Variants in IRAK1BP1 observed in about 807,000 individuals in gnomAD.
IRAK1BP1 encodes interleukin-1 receptor-associated kinase 1-binding protein 1.
A neutral mutation model predicts 28.0 loss-of-function variants in IRAK1BP1; 24 were observed. The ratio of observed to expected loss-of-function variants is 0.86; its 90% CI spans 0.62 to 1.20. IRAK1BP1 has a LOEUF of 1.20. IRAK1BP1 is among the 50% of genes most tolerant of loss of function. The pLI, the probability that IRAK1BP1 is intolerant of heterozygous loss-of-function variation, is 0.00. For missense variants in IRAK1BP1, 336 were observed against 316.7 expected (o/e 1.06, Z -0.46); for synonymous variants, 131 against 116.3 (o/e 1.13, Z -0.81).
the IRAK1BP1 span, among the ~76,000 whole-genome samples, chr6:78,975,679 C>G: frequency 6.6e-6 from 1 of 152,158 alleles, no homozygotes; most frequent in Non-Finnish European, 1.5e-5. Flanking sequence ...AGCAAAGTCT[C>G]AGGATACAAA....
chr6:78,966,145 C>G, the IRAK1BP1 span: 6 of 791,344 alleles, frequency 7.6e-6, no homozygotes, highest in South Asian at 8.9e-5. Flanking sequence ...AGTACCTAAA[C>G]TGCCTGTATG....
chr6:78,943,288 TA>T (rs1277683852), intron 4 of IRAK1BP1, among the ~76,000 whole-genome samples: 1 of 152,174 alleles, frequency 6.6e-6, no homozygotes, highest in African/African-American at 2.4e-5. Context: ...AACTAATAGA[TA>T]ATGATATTTC....
At chr6:78,965,589 A>G in the IRAK1BP1 span, 6 of 641,136 alleles carry the variant, frequency 9.4e-6, no homozygotes, top group Non-Finnish European at 1.7e-5. Flanking sequence ...TGCCAAATGA[A>G]TGTTTTCTAT....
intron 4 of IRAK1BP1, among the ~76,000 whole-genome samples, chr6:78,925,478 G>C (rs567032549): frequency 6.6e-6 from 1 of 151,894 alleles, no homozygotes. Flanking sequence ...AATCAAAACC[G>C]CAATGAAATA....
At chr6:78,921,668 AT>A (rs1344654813) in intron 4 of IRAK1BP1, among the ~76,000 whole-genome samples, 1 of 152,208 alleles carries the variant, frequency 6.6e-6, no homozygotes, top group Non-Finnish European at 1.5e-5. Context: ...ACTGGGAGGC[AT>A]CCCCCAGTAG....
chr6:78,932,935 T>C (rs1443439945), intron 4 of IRAK1BP1, among the ~76,000 whole-genome samples: 1 of 152,136 alleles, frequency 6.6e-6, no homozygotes, highest in Non-Finnish European at 1.5e-5. Flanking sequence ...AAGCAGGTCT[T>C]AACAATGGAC....
At chr6:78,888,089 A>G (rs1205045019) in intron 2 of IRAK1BP1, among the ~76,000 whole-genome samples, 2 of 152,230 alleles carry the variant, frequency 1.3e-5, no homozygotes, top group African/African-American at 4.8e-5. Context: ...GTTAAGAGAA[A>G]TATCAGTAAC....
the IRAK1BP1 span, among the ~76,000 whole-genome samples, chr6:78,967,916 C>T: frequency 4.6e-5 from 7 of 151,890 alleles, no homozygotes; most frequent in South Asian, 1.5e-3. Context: ...GGGCGGATCA[C>T]AAGGTCAGGA....
chr6:78,963,048 A>T, the IRAK1BP1 span: 1 of 1,504,642 alleles, frequency 6.6e-7, no homozygotes, highest in Non-Finnish European at 8.9e-7. Context: ...TTTTTCCATT[A>T]CTTTGTGTTC....
chr6:78,887,840 ATCCCAC>A (rs1225598892), intron 2 of IRAK1BP1, among the ~76,000 whole-genome samples: 1 of 152,200 alleles, frequency 6.6e-6, no homozygotes, highest in Non-Finnish European at 1.5e-5. Flanking sequence ...TGACCCAGCA[ATCCCAC>A]TCCTGGGTGT....
intron 2 of IRAK1BP1, among the ~76,000 whole-genome samples, chr6:78,886,811 T>TAG (rs1771447869): frequency 6.6e-6 from 1 of 152,216 alleles, no homozygotes; most frequent in Non-Finnish European, 1.5e-5. Flanking sequence ...TTTTAAAACA[T>TAG]GACTAAATGA....
chr6:78,945,540 C>T (rs779126858), exon 5 of IRAK1BP1: 14 of 1,218,616 alleles, frequency 1.1e-5, no homozygotes, highest in Middle Eastern at 2.0e-4. Flanking sequence ...AGTTATTGAA[C>T]CTAAAGATAA....
Position 78,946,155 on chromosome 6 carries a change from A to G in IRAK1BP1, c.*815A>G. 6.2e-7 allele frequency: 1 copy of G among 1,614,100 alleles called. No individual in the cohort carries two copies. The highest frequency in any genetic ancestry group is 8.5e-7 in the Non-Finnish European group (1 of 1,179,980). ...TAGATTCTGTTTTACCGTTTATCTGAGCAGCATTGTGTCTTGGCGGTATTG... is the reference window on the plus strand; with the variant it reads ...TAGATTCTGTTTTACCGTTTATCTGGGCAGCATTGTGTCTTGGCGGTATTG... On this transcript the variant is annotated 3_prime_UTR_variant and NMD_transcript_variant, in exon 5 of 5. Coordinates refer to the IRAK1BP1 transcript ENST00000606868.
chr6:78,879,040 G>A (rs1026810416), intron 1 of IRAK1BP1, among the ~76,000 whole-genome samples: 6 of 152,100 alleles, frequency 3.9e-5, no homozygotes, highest in African/African-American at 1.2e-4. Context: ...TGAAAGTGAC[G>A]GGGAGAATGG....
intron 1 of IRAK1BP1, chr6:78,872,004 C>T (rs1167545859): frequency 1.2e-5 from 7 of 602,124 alleles, no homozygotes; most frequent in African/African-American, 1.9e-5. Context: ...AGTGTAATGC[C>T]AGGGAATTAA....
chr6:78,955,208 C>T, the IRAK1BP1 span: 1 of 1,532,020 alleles, frequency 6.5e-7, no homozygotes, highest in South Asian at 1.2e-5. Flanking sequence ...TAAAGTACTT[C>T]TGCTAAAACT....
chr6:78,868,857 G>A (rs1291691707), intron 1 of IRAK1BP1, among the ~76,000 whole-genome samples: 2 of 152,284 alleles, frequency 1.3e-5, no homozygotes, highest in South Asian at 4.1e-4. Flanking sequence ...GGACCCCAAA[G>A]GCCAGAGATG....
At chr6:78,908,245 G>T (rs961098027) in intron 4 of IRAK1BP1, among the ~76,000 whole-genome samples, 2 of 151,584 alleles carry the variant, frequency 1.3e-5, no homozygotes, top group East Asian at 1.9e-4. Flanking sequence ...TAGAGATGGG[G>T]TTTCACCATA....
At chr6:78,904,290 C>T (rs993672626), downstream of IRAK1BP1, among the ~76,000 whole-genome samples, 1 of 152,224 alleles carries the variant, frequency 6.6e-6, no homozygotes, top group Non-Finnish European at 1.5e-5. Flanking sequence ...AACCTATGTT[C>T]ATTTCAAGCT....
Sources: allele counts gnomAD v4.1 joint callset (sites outside exome capture counted in the v4.1 genomes callset), GRCh38; gene constraint gnomAD v4.1.1; transcripts MANE v1.5; gene names NCBI Gene and HGNC (gene_info 2026-07-23, HGNC 2026-07-21).